Variants in SRBD1 observed in about 807,000 individuals in gnomAD.
SRBD1 encodes the protein S1 RNA-binding domain-containing protein 1.
In SRBD1, 88 loss-of-function variants were observed where a neutral mutation model predicts 115.3. That is an observed-to-expected ratio of 0.76 (90% CI 0.64 to 0.91). SRBD1 has a LOEUF of 0.91. Among genes scored for constraint, SRBD1 ranks in the 40% least tolerant of loss-of-function variants. The probability of loss-of-function intolerance (pLI) is 0.00; values close to 1 mark genes in which losing one functional copy is unlikely to be tolerated. For synonymous variants in SRBD1, 509 were observed against 407.7 expected, an observed-to-expected ratio of 1.25 and a Z score of -2.99; for missense variants, 1,385 against 1,177.4, an observed-to-expected ratio of 1.18 and a Z score of -2.58.
rs566311314 is a variant in SRBD1 at position 45,539,226 on chromosome 2, G to T, written c.1874+7506C>A. ...AAGAGATCTATGAGTTGGCAAGAAA[G>T]AAATTTTTTTGCTAAAAAAAAAAAA... On this transcript the variant is annotated intron_variant, in intron 14 of 20. Coordinates refer to ENST00000263736, the MANE Select transcript of SRBD1 (RefSeq NM_018079.5). Among the ~76,000 whole-genome samples, 5 of 150,996 alleles carry T rather than the reference G, an allele frequency of 3.3e-5. No homozygotes were observed. In the South Asian group the frequency reaches 1.0e-3, roughly 32 times the overall value.
intron 14 of SRBD1, among the ~76,000 whole-genome samples, chr2:45,525,584 A>G (rs1488483869): frequency 6.6e-6 from 1 of 152,024 alleles, no homozygotes; most frequent in Non-Finnish European, 1.5e-5. Flanking sequence ...GAGTGGATAT[A>G]AAGTGTTCTT....
At chr2:45,604,814 A>G (rs1381281652) in intron 2 of SRBD1, among the ~76,000 whole-genome samples, 1 of 152,124 alleles carries the variant, frequency 6.6e-6, no homozygotes, top group Non-Finnish European at 1.5e-5. Flanking sequence ...TATAGTACTT[A>G]TTACTATAAA....
At chr2:45,401,114 T>C (rs1021141720) in intron 19 of SRBD1, among the ~76,000 whole-genome samples, 4 of 152,178 alleles carry the variant, frequency 2.6e-5, no homozygotes, top group African/African-American at 9.7e-5. Flanking sequence ...ATGTTACTTC[T>C]TGGGAACTAG....
chr2:45,438,952 C>T (rs1285626071), intron 16 of SRBD1, among the ~76,000 whole-genome samples: 1 of 151,940 alleles, frequency 6.6e-6, no homozygotes, highest in African/African-American at 2.4e-5. Flanking sequence ...TGCTGGAAAA[C>T]AAAGATAAAG....
At chr2:45,404,508 C>T (rs1479049193) in intron 19 of SRBD1, among the ~76,000 whole-genome samples, 3 of 152,134 alleles carry the variant, frequency 2.0e-5, no homozygotes, top group Admixed American at 6.6e-5. Context: ...CCATTTGTAA[C>T]CAGTTACTAA....
At chr2:45,539,423 C>T (rs1671863762) in intron 14 of SRBD1, among the ~76,000 whole-genome samples, 1 of 152,014 alleles carries the variant, frequency 6.6e-6, no homozygotes, top group South Asian at 2.1e-4. Context: ...ACAAAAGATC[C>T]CCCACCTACT....
At chr2:45,429,218 C>G (rs532554348) in intron 16 of SRBD1, among the ~76,000 whole-genome samples, 1 of 152,266 alleles carries the variant, frequency 6.6e-6, no homozygotes, top group Non-Finnish European at 1.5e-5. Context: ...ACCAGAGGTA[C>G]AAAGAGGAGG....
chr2:45,537,152 G>A (rs1026011266), intron 14 of SRBD1, among the ~76,000 whole-genome samples: 1 of 152,094 alleles, frequency 6.6e-6, no homozygotes, highest in Non-Finnish European at 1.5e-5. Flanking sequence ...GAAAAATGAG[G>A]ATAAAGAGAA....
chr2:45,421,811 CA>C (rs949326307), intron 16 of SRBD1, among the ~76,000 whole-genome samples: 2 of 152,074 alleles, frequency 1.3e-5, no homozygotes, highest in Non-Finnish European at 2.9e-5. Context: ...GGTACAGGAG[CA>C]CTTCTGTATT....
At chr2:45,527,927 G>C (rs775379241) in intron 14 of SRBD1, among the ~76,000 whole-genome samples, 1 of 151,880 alleles carries the variant, frequency 6.6e-6, no homozygotes, top group Non-Finnish European at 1.5e-5. Context: ...AAAGGAAAGG[G>C]CACTTAAATG....
intron 14 of SRBD1, among the ~76,000 whole-genome samples, 179 bp downstream of exon 14, chr2:45,546,553 C>G (rs1203486618): frequency 2.0e-5 from 3 of 152,186 alleles, no homozygotes; most frequent in Non-Finnish European, 2.9e-5. Flanking sequence ...ATTCCTGTCT[C>G]AAATTTCTCC....
At chr2:45,556,910 G>A (rs538048932) in intron 10 of SRBD1, among the ~76,000 whole-genome samples, 13 of 152,110 alleles carry the variant, frequency 8.5e-5, no homozygotes, top group Admixed American at 2.6e-4. Context: ...TACATTCTAT[G>A]TAAGTTTTTG....
At chr2:45,556,986 A>C (rs1482286988) in intron 10 of SRBD1, among the ~76,000 whole-genome samples, 1 of 152,168 alleles carries the variant, frequency 6.6e-6, no homozygotes, top group Non-Finnish European at 1.5e-5. Context: ...TTCCCAAAAG[A>C]AACATCTGAG....
intron 5 of SRBD1, among the ~76,000 whole-genome samples, chr2:45,584,782 T>A (rs1455016282): frequency 2.6e-5 from 4 of 152,164 alleles, no homozygotes; most frequent in African/African-American, 7.2e-5. Flanking sequence ...ATAATTTTTT[T>A]AAAAAGGTAC....
chr2:45,495,181 A>G (rs1670418044), intron 14 of SRBD1, among the ~76,000 whole-genome samples: 1 of 152,200 alleles, frequency 6.6e-6, no homozygotes, highest in Non-Finnish European at 1.5e-5. Flanking sequence ...GTGGATGAAA[A>G]GAACACTTTC....
intron 9 of SRBD1, among the ~76,000 whole-genome samples, chr2:45,572,921 T>C (rs1245700606): frequency 1.3e-5 from 2 of 152,106 alleles, no homozygotes; most frequent in Non-Finnish European, 2.9e-5. Flanking sequence ...ATAAGGATAC[T>C]GGGAAGCAGA....
intron 16 of SRBD1, among the ~76,000 whole-genome samples, chr2:45,426,160 G>A (rs143787694): frequency 3.1e-3 from 467 of 152,270 alleles, no homozygotes; most frequent in African/African-American, 0.011. Context: ...AGAGCTTGGT[G>A]GGGGGAGAGG....
At chr2:45,596,993 C>A (rs954330484) in intron 4 of SRBD1, among the ~76,000 whole-genome samples, 1 of 117,774 alleles carries the variant, frequency 8.5e-6, no homozygotes, top group African/African-American at 5.4e-5. Context: ...AACCCTCACA[C>A]ACACACACAC....
chr2:45,566,701 A>T (rs191463578), intron 9 of SRBD1, among the ~76,000 whole-genome samples: 6 of 152,354 alleles, frequency 3.9e-5, no homozygotes, highest in Non-Finnish European at 1.5e-5. Flanking sequence ...AGAAAATTAA[A>T]ACACTCTTTT....
Sources: gnomAD v4.1 joint callset for allele counts (sites outside exome capture counted in the v4.1 genomes callset) on GRCh38, gnomAD v4.1.1 for gene constraint, MANE v1.5 for transcripts, NCBI Gene and HGNC (gene_info 2026-07-23, HGNC 2026-07-21) for gene names.